NRXN1: variants seen among roughly 807,000 people sequenced by gnomAD.
NRXN1 encodes neurexin-1.
NRXN1 carries 39 observed loss-of-function variants against 150.9 expected under a neutral mutation model. The observed-to-expected ratio is 0.26, with a 90% CI of 0.20 to 0.34. The LOEUF (loss-of-function observed/expected upper bound fraction) is 0.34. NRXN1 is among the 10% of genes least tolerant of loss of function. The probability of loss-of-function intolerance (pLI) is 1.00; values close to 1 mark genes in which losing one functional copy is unlikely to be tolerated. For missense variants in NRXN1, 1,815 were observed against 1,949.9 expected (o/e 0.93, Z 1.30); for synonymous variants, 924 against 757.0 (o/e 1.22, Z -3.62).
At chr2:50,802,500 TG>T (rs1559284089) in intron 5 of NRXN1, among the ~76,000 whole-genome samples, 30,954 of 88,318 alleles carry the variant, frequency 0.35, 6,324 homozygotes, top group African/African-American at 0.45. Flanking sequence ...GAAAGAGAAA[TG>T]GAAGGAAGGA....
At chr2:50,709,956 G>A (rs1276403895) in intron 5 of NRXN1, among the ~76,000 whole-genome samples, 1 of 152,142 alleles carries the variant, frequency 6.6e-6, no homozygotes, top group East Asian at 1.9e-4. Context: ...ATTTTGAGTT[G>A]ATACATGTAA....
chr2:50,962,887 T>A (rs757152348), intron 2 of NRXN1, among the ~76,000 whole-genome samples: 14 of 151,740 alleles, frequency 9.2e-5, no homozygotes, highest in Admixed American at 4.0e-4. Context: ...ATGTTCCACA[T>A]GTTTAGCATT....
chr2:50,709,822 T>C (rs1694919894), intron 5 of NRXN1, among the ~76,000 whole-genome samples: 1 of 152,202 alleles, frequency 6.6e-6, no homozygotes, highest in Non-Finnish European at 1.5e-5. Flanking sequence ...TTGACCATTC[T>C]TAGAAGGAGG....
intron 2 of NRXN1, among the ~76,000 whole-genome samples, chr2:50,954,948 T>A (rs1342733010): frequency 6.6e-6 from 1 of 152,034 alleles, no homozygotes; most frequent in African/African-American, 2.4e-5. Context: ...TAAACAGATT[T>A]AGCCAAGAAG....
intron 22 of NRXN1, among the ~76,000 whole-genome samples, chr2:49,932,517 T>C (rs1670312105): frequency 6.6e-6 from 1 of 152,136 alleles, no homozygotes; most frequent in African/African-American, 2.4e-5. Context: ...TTTCCTTTCC[T>C]TCCTCCTTTC....
chr2:49,988,944 G>A (rs1293107541), intron 21 of NRXN1, among the ~76,000 whole-genome samples: 3 of 152,134 alleles, frequency 2.0e-5, no homozygotes, highest in African/African-American at 7.2e-5. Flanking sequence ...AATCAGGCAG[G>A]AATTTCTACC....
At chr2:50,986,346 T>C (rs1490903944) in intron 2 of NRXN1, among the ~76,000 whole-genome samples, 1 of 151,766 alleles carries the variant, frequency 6.6e-6, no homozygotes, top group Non-Finnish European at 1.5e-5. Flanking sequence ...TGAATAAATG[T>C]ATCCATGTGT....
chr2:50,292,551 A>C lies in NRXN1; in HGVS notation c.3365-55581T>G, dbSNP rs529595706. ...CAGTCAGATCCATTGTCCCCACTTA[A>C]GAAAAGCATGCAAGAGCTCTGGGTG... On this transcript the variant is annotated intron_variant, in intron 17 of 22. Coordinates refer to ENST00000401669, the MANE Select transcript of NRXN1 (RefSeq NM_001330078.2). 2.0e-5 allele frequency among the ~76,000 whole-genome samples: 3 copies of C among 152,322 alleles called. 1 individual carries two copies. Among genetic ancestry groups the C allele is most frequent in the African/African-American group, 7.2e-5 (3 of 41,572 alleles).
In NRXN1 at chr2:49,969,263, C is replaced by T. The variant is rs182180472; in HGVS notation, c.4129-25472G>A. Among the ~76,000 whole-genome samples, 52 of 152,132 alleles carry T rather than the reference C, an allele frequency of 3.4e-4. No individual in the cohort carries two copies. In the South Asian group the frequency reaches 3.7e-3, roughly 11 times the overall value. On this transcript the variant is annotated intron_variant, in intron 21 of 22. Transcript: ENST00000401669. ...GAGTAGATGATCCACTCAAATCTAGCTGTGCTAATGGAGGGATGCATGGTA... is the reference window on the plus strand; with the variant it reads ...GAGTAGATGATCCACTCAAATCTAGTTGTGCTAATGGAGGGATGCATGGTA...
intron 21 of NRXN1, among the ~76,000 whole-genome samples, chr2:50,046,576 A>G (rs1314901875): frequency 6.6e-6 from 1 of 152,130 alleles, no homozygotes; most frequent in African/African-American, 2.4e-5. Context: ...TGAAATTTCT[A>G]TTTTTTATAG....
At chr2:50,578,758 T>C (rs1360673802) in intron 8 of NRXN1, among the ~76,000 whole-genome samples, 1 of 151,970 alleles carries the variant, frequency 6.6e-6, no homozygotes, top group Non-Finnish European at 1.5e-5. Flanking sequence ...TAGATCTAGA[T>C]AGATAAAAAG....
At chr2:50,040,254 G>A (rs1690724589) in intron 21 of NRXN1, among the ~76,000 whole-genome samples, 1 of 151,818 alleles carries the variant, frequency 6.6e-6, no homozygotes, top group Non-Finnish European at 1.5e-5. Flanking sequence ...TAAGAGATAA[G>A]AGATATTCTT....
intron 5 of NRXN1, among the ~76,000 whole-genome samples, chr2:50,871,972 TA>T (rs1416479232): frequency 6.6e-6 from 1 of 151,866 alleles, no homozygotes; most frequent in African/African-American, 2.4e-5. Context: ...TTTAATGTAA[TA>T]AAACTACTTC....
intron 17 of NRXN1, among the ~76,000 whole-genome samples, chr2:50,458,582 A>T (rs2087829360): frequency 6.8e-6 from 1 of 146,676 alleles, no homozygotes; most frequent in Non-Finnish European, 1.5e-5. Context: ...TGTATTCATA[A>T]TTTTTTTTTT....
chr2:50,033,969 GAAA>G (rs61264442), intron 21 of NRXN1, among the ~76,000 whole-genome samples: 2 of 109,932 alleles, frequency 1.8e-5, no homozygotes, highest in African/African-American at 3.2e-5. Flanking sequence ...TTAAAAAGTG[GAAA>G]AAAAAAAAAA....
chr2:49,948,250 G>A (rs1673307482), intron 21 of NRXN1, among the ~76,000 whole-genome samples: 1 of 152,018 alleles, frequency 6.6e-6, no homozygotes, highest in South Asian at 2.1e-4. Flanking sequence ...TTTAAAAGCT[G>A]ACCTATTTTC....
At chr2:50,957,140 C>T (rs1445168946) in intron 2 of NRXN1, among the ~76,000 whole-genome samples, 1 of 152,054 alleles carries the variant, frequency 6.6e-6, no homozygotes. Context: ...GATTTGTGCC[C>T]TTGGGTAAAT....
chr2:50,157,385 G>A (rs555982818), intron 18 of NRXN1, among the ~76,000 whole-genome samples: 167 of 152,040 alleles, frequency 1.1e-3, no homozygotes, highest in African/African-American at 3.8e-3. Flanking sequence ...AAGCATAGGC[G>A]TTTATAATAT....
chr2:50,059,161 G>T (rs998642147), intron 19 of NRXN1, among the ~76,000 whole-genome samples: 4 of 152,122 alleles, frequency 2.6e-5, no homozygotes, highest in African/African-American at 9.7e-5. Context: ...TGACCAAAAA[G>T]TCTAGGCTGA....
Sources: gnomAD v4.1 joint callset for allele counts (sites outside exome capture counted in the v4.1 genomes callset) on GRCh38, gnomAD v4.1.1 for gene constraint, MANE v1.5 for transcripts, NCBI Gene and HGNC (gene_info 2026-07-23, HGNC 2026-07-21) for gene names.